Variants in SYNPR observed in about 807,000 individuals in gnomAD.
The protein encoded by SYNPR is synaptoporin.
Under a neutral mutation model 32.9 loss-of-function variants are expected in SYNPR, and 23 were observed. That is an observed-to-expected ratio of 0.70 (90% CI 0.50 to 0.99). The LOEUF (loss-of-function observed/expected upper bound fraction) is 0.99, where lower values mean the gene tolerates loss of function less well. Among genes scored for constraint, SYNPR ranks in the 50% least tolerant of loss-of-function variants. SYNPR has a pLI of 0.00. For synonymous variants in SYNPR, 146 were observed against 135.9 expected (o/e 1.07, Z -0.52); for missense variants, 318 against 349.3 (o/e 0.91, Z 0.71).
rs112764516 is a variant in SYNPR, at chr3:63,490,707, G to T, written c.209+9751G>T. Among the ~76,000 whole-genome samples the T allele has an allele frequency of 9.5e-3, 1,441 of 152,154 alleles. 24 individuals carry two copies. The highest frequency in any genetic ancestry group is 0.033 in the African/African-American group (1,351 of 41,496). On this transcript the variant is annotated intron_variant, in intron 3 of 5. Transcript: ENST00000478300. ...CCAACTTTAATATTTTAAGTTTCTT[G>T]TTCCTGATTTTGGTTCATGGGCACC...
At chr3:63,533,974 A>T (rs1702156566) in intron 3 of SYNPR, among the ~76,000 whole-genome samples, 1 of 152,174 alleles carries the variant, frequency 6.6e-6, no homozygotes, top group Non-Finnish European at 1.5e-5. Flanking sequence ...CCCTTGGAAA[A>T]TATCCAAATT....
At chr3:63,273,147 C>T (rs374234602) in intron 3 of SYNPR, among the ~76,000 whole-genome samples, 37 of 152,276 alleles carry the variant, frequency 2.4e-4, no homozygotes, top group African/African-American at 8.4e-4. Context: ...CCCATCTTTA[C>T]TTCAGTTCTA....
At chr3:63,343,929 G>A (rs1210280958) in intron 2 of SYNPR, among the ~76,000 whole-genome samples, 3 of 152,240 alleles carry the variant, frequency 2.0e-5, no homozygotes, top group Admixed American at 1.3e-4. Flanking sequence ...TGCCGGAAAC[G>A]GCTTGAGCTG....
At chr3:63,361,456 G>A (rs921163473) in intron 2 of SYNPR, among the ~76,000 whole-genome samples, 32 of 152,064 alleles carry the variant, frequency 2.1e-4, no homozygotes, top group African/African-American at 7.3e-4. Flanking sequence ...AAATTAGCTG[G>A]GCATGGTGGC....
chr3:63,255,177 C>G (rs1167781561), intron 2 of SYNPR, among the ~76,000 whole-genome samples: 6 of 151,828 alleles, frequency 4.0e-5, no homozygotes, highest in African/African-American at 1.4e-4. Context: ...CCTGGGGAGG[C>G]GGTCAAATAA....
chr3:63,243,663 A>G (rs1041825464), intron 1 of SYNPR, among the ~76,000 whole-genome samples: 1 of 152,094 alleles, frequency 6.6e-6, no homozygotes, highest in Non-Finnish European at 1.5e-5. Flanking sequence ...GTCCATTTAA[A>G]GAGTTTTAAA....
intron 2 of SYNPR, among the ~76,000 whole-genome samples, chr3:63,282,917 T>A (rs1360929443): frequency 6.6e-6 from 1 of 152,170 alleles, no homozygotes; most frequent in Admixed American, 6.5e-5. Flanking sequence ...AAATAAAAAA[T>A]ATAGTTTTGT....
chr3:63,413,376 G>A (rs948389938), intron 2 of SYNPR, among the ~76,000 whole-genome samples: 7 of 152,072 alleles, frequency 4.6e-5, no homozygotes, highest in African/African-American at 1.2e-4. Context: ...GACTATTAAC[G>A]TAAAAGTTAA....
At chr3:63,310,718 G>C (rs2086955502) in intron 2 of SYNPR, among the ~76,000 whole-genome samples, 1 of 151,992 alleles carries the variant, frequency 6.6e-6, no homozygotes, top group Non-Finnish European at 1.5e-5. Context: ...TGAGGTTACT[G>C]TGGGGGCACT....
intron 3 of SYNPR, among the ~76,000 whole-genome samples, chr3:63,500,680 A>T (rs1701462075): frequency 6.6e-6 from 1 of 152,204 alleles, no homozygotes; most frequent in Non-Finnish European, 1.5e-5. Flanking sequence ...CTATGTTCCC[A>T]GGATGTTCCA....
intron 2 of SYNPR, among the ~76,000 whole-genome samples, chr3:63,368,404 G>A (rs1195198433): frequency 6.6e-6 from 1 of 152,184 alleles, no homozygotes; most frequent in African/African-American, 2.4e-5. Context: ...TGCATATGCT[G>A]AGTTCCAGTT....
intron 2 of SYNPR, among the ~76,000 whole-genome samples, chr3:63,439,557 A>G (rs1700133971): frequency 6.6e-6 from 1 of 152,186 alleles, no homozygotes. Context: ...GTATCAAAAA[A>G]TCAGCTACTG....
chr3:63,507,153 T>C (rs1356593236), intron 3 of SYNPR, among the ~76,000 whole-genome samples: 1 of 116,798 alleles, frequency 8.6e-6, no homozygotes, highest in African/African-American at 3.1e-5. Flanking sequence ...TCTCAAAAAA[T>C]AAAAAAAAAA....
At chr3:63,447,540 C>A (rs970200324) in intron 2 of SYNPR, among the ~76,000 whole-genome samples, 1 of 152,104 alleles carries the variant, frequency 6.6e-6, no homozygotes, top group Non-Finnish European at 1.5e-5. Context: ...AGCTGGTGGT[C>A]CTGTTACATG....
chr3:63,582,211 G>A (rs1051518540), intron 4 of SYNPR, among the ~76,000 whole-genome samples: 1 of 152,072 alleles, frequency 6.6e-6, no homozygotes, highest in East Asian at 1.9e-4. Context: ...ACTTAACGGG[G>A]GAGCTCTGAA....
At chr3:63,352,470 G>A (rs1438934815) in intron 2 of SYNPR, among the ~76,000 whole-genome samples, 1 of 152,140 alleles carries the variant, frequency 6.6e-6, no homozygotes, top group Non-Finnish European at 1.5e-5. Context: ...TTATTTATCT[G>A]TTAAGGTTCT....
At chr3:63,415,599 A>C (rs2088529709) in intron 2 of SYNPR, among the ~76,000 whole-genome samples, 1 of 152,210 alleles carries the variant, frequency 6.6e-6, no homozygotes, top group Non-Finnish European at 1.5e-5. Flanking sequence ...AGCCATAGAC[A>C]ATATGTAACC....
At chr3:63,345,491 T>TTGCAAGGA (rs2087425966) in intron 2 of SYNPR, among the ~76,000 whole-genome samples, 1 of 152,138 alleles carries the variant, frequency 6.6e-6, no homozygotes, top group South Asian at 2.1e-4. Context: ...TCACAGGAAC[T>TTGCAAGGA]TGCAAGGAAG....
intron 4 of SYNPR, among the ~76,000 whole-genome samples, chr3:63,592,922 T>C (rs1459542592): frequency 1.3e-5 from 2 of 152,110 alleles, no homozygotes; most frequent in African/African-American, 4.8e-5. Context: ...AAAATGTATC[T>C]CATTATTGCC....
Sources: gnomAD v4.1 joint callset for allele counts (sites outside exome capture counted in the v4.1 genomes callset) on GRCh38, gnomAD v4.1.1 for gene constraint, MANE v1.5 for transcripts, NCBI Gene and HGNC (gene_info 2026-07-23, HGNC 2026-07-21) for gene names.